RNPS1: variants seen among roughly 807,000 people sequenced by gnomAD.
RNPS1 encodes RNA binding protein with serine rich domain 1.
For missense variants in RNPS1, 300 were observed against 427.6 expected, an observed-to-expected ratio of 0.70 and a Z score of 2.63; for synonymous variants, 147 against 150.0, an observed-to-expected ratio of 0.98 and a Z score of 0.15.
At chr16:2,264,531 G>A in intron 2 of RNPS1, 42 bp downstream of exon 2, 1 of 1,593,864 alleles carries the variant, frequency 6.3e-7, no homozygotes, top group Non-Finnish European at 8.6e-7. Context: ...CTAGCAGTAA[G>A]CACCCCCAAG....
At chr16:2,254,323 T>C (rs1170376241) in intron 7 of RNPS1, among the ~76,000 whole-genome samples, 1 of 151,798 alleles carries the variant, frequency 6.6e-6, no homozygotes, top group African/African-American at 2.4e-5. Flanking sequence ...TGTATATATT[T>C]ATTTTGAGAT....
At chr16:2,267,532 G>A in intron 1 of RNPS1, 1 of 1,030,524 alleles carries the variant, frequency 9.7e-7, no homozygotes, top group South Asian at 3.3e-5. Flanking sequence ...CGTTCGCGGA[G>A]TACACGTTTG....
chr16:2,264,104 G>A (rs1009163530), intron 3 of RNPS1, 72 bp downstream of exon 3: 36 of 1,548,062 alleles, frequency 2.3e-5, no homozygotes, highest in East Asian at 4.5e-5. Flanking sequence ...CAAGAAAACC[G>A]AGCCATCTGT....
At chr16:2,260,674 G>A (rs1296122351) in intron 6 of RNPS1, among the ~76,000 whole-genome samples, 5 of 152,140 alleles carry the variant, frequency 3.3e-5, no homozygotes, top group Non-Finnish European at 7.4e-5. Flanking sequence ...GGCTGGGCTT[G>A]GGTTTAAAAA....
At position 2,264,582 on chromosome 16, in the gene RNPS1, G is replaced by A; in HGVS notation, c.62C>T (p.Ser21Phe). ...LLGVKENNKK[S>F]STRAPSPTKR... is the part of the protein sequence containing the mutation. The stretch of plus-strand genomic sequence containing the variant: ...CTTACAGAAGGATTACCTAGTGCTG[G>A]ACTTTTTATTATTTTCTTTGACTCC... The change falls in exon 2 of 8, where the codon TCC (serine) becomes TTC (phenylalanine). Residue 21 changes from serine (S) to phenylalanine (F), a missense_variant. Ser to Phe is a radical substitution (Grantham distance 155, BLOSUM62 -2). Transcript: ENST00000320225. 1 of 1,613,390 alleles carries A rather than the reference G, an allele frequency of 6.2e-7. No homozygotes were observed.
At chr16:2,266,180 C>T (rs1303570375) in intron 1 of RNPS1, 7 of 985,392 alleles carry the variant, frequency 7.1e-6, no homozygotes, top group Non-Finnish European at 8.4e-6. Flanking sequence ...GTGCAGTGCA[C>T]GCCAGGGGTG....
intron 3 of RNPS1, 114 bp downstream of exon 3, chr16:2,264,062 C>T (rs2093614666): frequency 7.7e-7 from 1 of 1,302,582 alleles, no homozygotes; most frequent in Non-Finnish European, 1.1e-6. Context: ...TCTCTACTAA[C>T]AATCAGAGGA....
chr16:2,262,890 T>C (rs1405277476), intron 4 of RNPS1, 48 bp from the exon 5 acceptor site: 6 of 1,529,302 alleles, frequency 3.9e-6, no homozygotes, highest in Admixed American at 3.4e-5. Flanking sequence ...CAAGTCAAAA[T>C]GTACTAGACG....
rs1331974549 is a variant in RNPS1 at position 2,268,049 on chromosome 16, A to C, written c.-118+6T>G. On this transcript the variant is annotated splice_donor_region_variant and intron_variant, in intron 1 of 7. Coordinates refer to ENST00000320225, the MANE Select transcript of RNPS1 (RefSeq NM_080594.4). ...ACGGATGCAGTCGGATTCCGCCCCAACTTACATCTTCCCGCCGCCGCCACC... is the reference window on the plus strand; with the variant it reads ...ACGGATGCAGTCGGATTCCGCCCCACCTTACATCTTCCCGCCGCCGCCACC... The C allele has an allele frequency of 6.5e-7, 1 of 1,534,444 alleles. No homozygotes were observed. Among genetic ancestry groups the C allele is most frequent in the South Asian group, 1.2e-5 (1 of 83,992 alleles).
At chr16:2,254,575 G>C (rs1451829569) in intron 7 of RNPS1, among the ~76,000 whole-genome samples, 3 of 151,782 alleles carry the variant, frequency 2.0e-5, no homozygotes, top group Non-Finnish European at 4.4e-5. Context: ...GGGATTACAG[G>C]CGTGAGCCAC....
chr16:2,268,016 C>G (rs968986943), intron 1 of RNPS1, 39 bp downstream of exon 1: 23 of 1,533,572 alleles, frequency 1.5e-5, no homozygotes, highest in Non-Finnish European at 1.8e-5. Flanking sequence ...CCGGGCAGCC[C>G]CCGAAACACG....
chr16:2,263,342 C>G, intron 3 of RNPS1, 55 bp from the exon 4 acceptor site: 1 of 1,565,326 alleles, frequency 6.4e-7, no homozygotes, highest in South Asian at 1.1e-5. Context: ...ACAGTACAGA[C>G]GCCTCCTCCA....
intron 1 of RNPS1, chr16:2,267,834 C>T: frequency 6.6e-6 from 10 of 1,504,740 alleles, no homozygotes; most frequent in Non-Finnish European, 8.8e-6. Context: ...GCACAGGCGC[C>T]CTTCCGTCCG....
At chr16:2,263,004 GA>G in intron 4 of RNPS1, 91 bp downstream of exon 4, 1 of 1,423,342 alleles carries the variant, frequency 7.0e-7, no homozygotes, top group Non-Finnish European at 9.7e-7. Flanking sequence ...TATTAACACA[GA>G]AAGACTCCTT....
chr16:2,262,173 T>C (rs2093605596), intron 6 of RNPS1, 105 bp downstream of exon 6: 4 of 1,221,898 alleles, frequency 3.3e-6, no homozygotes, highest in Non-Finnish European at 4.6e-6. Flanking sequence ...TGAAACTCTG[T>C]CTCAAACAAA....
At chr16:2,258,189 C>G (rs1438142578) in intron 6 of RNPS1, 1 of 152,204 alleles carries the variant, frequency 6.6e-6, no homozygotes, top group Admixed American at 6.5e-5. Flanking sequence ...TGCTGAAATA[C>G]TGGGAAACTT....
intron 6 of RNPS1, chr16:2,257,908 G>C (rs2093585814): frequency 6.6e-6 from 1 of 152,248 alleles, no homozygotes; most frequent in African/African-American, 2.4e-5. Flanking sequence ...AGGCCTGGCA[G>C]CCCAGACAGC....
At chr16:2,260,147 CTTTTTTTTTTTT>C (rs776703032) in intron 6 of RNPS1, among the ~76,000 whole-genome samples, 22 of 72,432 alleles carry the variant, frequency 3.0e-4, no homozygotes, top group Non-Finnish European at 3.4e-4. Flanking sequence ...TGTGTGTATT[CTTTTTTTTTTTT>C]TTTTTTTTTT....
At chr16:2,263,954 T>G in intron 3 of RNPS1, 1 of 471,330 alleles carries the variant, frequency 2.1e-6, no homozygotes, top group Non-Finnish European at 3.8e-6. Context: ...GGTCTTGAAC[T>G]CCAGGCCCCA....
Sources: gnomAD v4.1 joint callset for allele counts (sites outside exome capture counted in the v4.1 genomes callset) on GRCh38, gnomAD v4.1.1 for gene constraint, MANE v1.5 for transcripts, NCBI Gene and HGNC (gene_info 2026-07-23, HGNC 2026-07-21) for gene names.